Variants in RUBCN observed in about 807,000 individuals in gnomAD.
RUBCN encodes run domain Beclin-1-interacting and cysteine-rich domain-containing protein.
RUBCN carries 74 observed loss-of-function variants against 113.2 expected under a neutral mutation model. The observed-to-expected ratio is 0.65, with a 90% CI of 0.54 to 0.79. The LOEUF is 0.79. Among genes scored for constraint, RUBCN ranks in the 30% least tolerant of loss-of-function variants. The pLI, the probability that RUBCN is intolerant of heterozygous loss-of-function variation, is 0.00. For missense variants in RUBCN, 1,109 were observed against 1,251.7 expected (o/e 0.89, Z 1.72); for synonymous variants, 480 against 490.0 (o/e 0.98, Z 0.27).
In RUBCN at chr3:197,674,908, TAAAAAAA is replaced by T; in HGVS notation, c.*103_*109del. 1.6e-6 allele frequency: 1 copy of T among 625,650 alleles called. No individual in the cohort carries two copies. The highest frequency in any genetic ancestry group is 2.5e-6 in the Non-Finnish European group (1 of 406,768). The allele number at this position is 625,650 out of a possible 1,614,324, so 38.8% of individuals were successfully genotyped here. A position where few individuals can be genotyped will look rare whatever the true frequency, so the allele number is the denominator to read the frequency against. On this transcript the variant is annotated 3_prime_UTR_variant, in exon 20 of 20. Transcript: ENST00000296343. ...AAAAAAAAAAAAAGATGATGATAAT[TAAAAAAA>T]AAAAAAAAAAAAGAAGCCCCAGGTG...
chr3:197,749,342 A>G, exon 1 of RUBCN: 1 of 1,156,420 alleles, frequency 8.6e-7, no homozygotes, highest in Non-Finnish European at 1.1e-6. Flanking sequence ...GCCGATTGAG[A>G]GAAGGTACAG....
intron 7 of RUBCN, among the ~76,000 whole-genome samples, chr3:197,698,175 C>T (rs930935914): frequency 6.6e-6 from 1 of 152,190 alleles, no homozygotes; most frequent in South Asian, 2.1e-4. Flanking sequence ...TTAACTAATT[C>T]TTAGAATTCC....
At chr3:197,691,915 A>T (rs1440984764) in intron 11 of RUBCN, among the ~76,000 whole-genome samples, 1 of 152,046 alleles carries the variant, frequency 6.6e-6, no homozygotes, top group Non-Finnish European at 1.5e-5. Context: ...GTTCCTGGTG[A>T]GAATTCCTAA....
In RUBCN at chr3:197,701,769, A is replaced by G. The variant is rs1204754509; in HGVS notation, c.666T>C (p.Ala222=). The G allele has an allele frequency of 6.2e-7, 1 of 1,614,082 alleles. No homozygotes were observed. Among genetic ancestry groups the G allele is most frequent in the Admixed American group, 1.7e-5 (1 of 60,018 alleles). The change falls in exon 6 of 20, where the codon GCT becomes GCC. Residue 222 remains alanine, a synonymous_variant. Transcript: ENST00000296343. ...AGAAGGACCCAAAGTAGGAATGCTGAGCATAGCTGTTTGGAGGGGTGTATG... is the reference window on the plus strand; with the variant it reads ...AGAAGGACCCAAAGTAGGAATGCTGGGCATAGCTGTTTGGAGGGGTGTATG... ...SSTYTPPNSY[A]QHSYFGSFSS...
intron 11 of RUBCN, among the ~76,000 whole-genome samples, chr3:197,692,229 G>C (rs1020346002): frequency 1.2e-4 from 19 of 152,010 alleles, no homozygotes; most frequent in African/African-American, 4.4e-4. Context: ...ATGATGTCCA[G>C]GCTTCCTGGT....
At chr3:197,678,736 A>G (rs1490367623) in intron 16 of RUBCN, among the ~76,000 whole-genome samples, 4 of 145,576 alleles carry the variant, frequency 2.7e-5, no homozygotes, top group Non-Finnish European at 4.5e-5. Flanking sequence ...AGACTGTCCT[A>G]CGCTCTAACT....
At chr3:197,696,033 A>AAGCTTTTGT in intron 8 of RUBCN, 52 bp from the exon 9 acceptor site, 1 of 1,562,396 alleles carries the variant, frequency 6.4e-7, no homozygotes, top group Non-Finnish European at 8.8e-7. Context: ...AGGAAGTCTT[A>AAGCTTTTGT]AGCTTTTGTC....
Position 197,700,554 on chromosome 3 carries a change from C to T in RUBCN, c.1261+59G>A, listed in dbSNP as rs576314011. The T allele has an allele frequency of 3.8e-6, 6 of 1,560,358 alleles. No homozygotes were observed. The South Asian group carries it at 6.7e-5, about 17-fold the overall frequency. On this transcript the variant is annotated intron_variant, in intron 7 of 19. Coordinates refer to ENST00000296343, the MANE Select transcript of RUBCN (RefSeq NM_014687.4). Reference sequence around the variant, plus strand: ...CACCTGAAAAGTCCCCATAACAAGCCCTCTCTTACTCTCAATTCAGGGTCA... The same window carrying T: ...CACCTGAAAAGTCCCCATAACAAGCTCTCTCTTACTCTCAATTCAGGGTCA...
intron 2 of RUBCN, 104 bp from the exon 3 acceptor site, chr3:197,705,279 G>T (rs1354081167): frequency 2.0e-6 from 2 of 1,009,164 alleles, no homozygotes; most frequent in South Asian, 2.7e-5. Flanking sequence ...ACCTTCCCTT[G>T]CCTCATCAAA....
At chr3:197,749,462 A>G (rs1329179066) in exon 1 of RUBCN, 8 of 1,269,338 alleles carry the variant, frequency 6.3e-6, no homozygotes, top group African/African-American at 1.5e-5. Flanking sequence ...TAGGTGGAGG[A>G]GCGTGCCAGG....
In RUBCN at chr3:197,708,139, A is replaced by AT. The variant is rs781181012; in HGVS notation, c.220-2965dup. ...GCAAATAAAGAAAAATATGTAAACA[A>AT]TTTTTTTTTTTTCCAAGACGGAGTC... On this transcript the variant is annotated intron_variant, in intron 2 of 19. Coordinates refer to ENST00000296343, the MANE Select transcript of RUBCN (RefSeq NM_014687.4). Among the ~76,000 whole-genome samples, 1,119 of 147,824 alleles carry AT rather than the reference A, an allele frequency of 7.6e-3. 8 individuals carry two copies. Among genetic ancestry groups the AT allele is most frequent in the African/African-American group, 0.01 (417 of 40,552 alleles).
chr3:197,740,846 T>C (rs1560483262), upstream of RUBCN, among the ~76,000 whole-genome samples: 1 of 152,022 alleles, frequency 6.6e-6, no homozygotes, highest in African/African-American at 2.4e-5. Flanking sequence ...GTCTCGAACT[T>C]CTGACCTCAA....
In RUBCN at chr3:197,695,875, G is replaced by T. The variant is rs758537470; in HGVS notation, c.1464C>A (p.Asp488Glu). 1.6e-5 allele frequency: 26 copies of T among 1,613,822 alleles called. No homozygotes were observed. The highest frequency in any genetic ancestry group is 6.7e-5 in the African/African-American group (5 of 74,892). Residue 488 changes from aspartate to glutamate, a missense_variant, in exon 9 of 20, where the codon GAC becomes GAA. Coordinates refer to ENST00000296343, the MANE Select transcript of RUBCN (RefSeq NM_014687.4). ...LSEQDFGSCA[D>E]LEKENAHFSI... The stretch of plus-strand genomic sequence containing the variant: ...GCCCTCGATTTCCCACCTTTTCCAG[G>T]TCGGCACAGCTGCCGAAGTCTTGCT...
chr3:197,730,034 G>A (rs979789304), intron 1 of RUBCN, among the ~76,000 whole-genome samples: 27 of 152,222 alleles, frequency 1.8e-4, no homozygotes, highest in African/African-American at 6.3e-4. Context: ...TAGTAGCAGG[G>A]TGAGGCTATC....
intron 2 of RUBCN, among the ~76,000 whole-genome samples, chr3:197,709,662 G>A (rs1378365944): frequency 6.6e-6 from 1 of 152,094 alleles, no homozygotes; most frequent in Non-Finnish European, 1.5e-5. Flanking sequence ...TTACAGGGGT[G>A]AGCCACCGCG....
intron 2 of RUBCN, among the ~76,000 whole-genome samples, chr3:197,713,612 A>G (rs1322461142): frequency 6.6e-6 from 1 of 152,196 alleles, no homozygotes; most frequent in Non-Finnish European, 1.5e-5. Flanking sequence ...AGTAAGGTAC[A>G]GGAGACAGCT....
chr3:197,720,661 C>T (rs978344629), intron 1 of RUBCN, among the ~76,000 whole-genome samples: 3 of 152,264 alleles, frequency 2.0e-5, no homozygotes, highest in East Asian at 3.9e-4. Flanking sequence ...TGCACCTCGG[C>T]CTCCCAAAGT....
intron 2 of RUBCN, among the ~76,000 whole-genome samples, chr3:197,717,065 G>A (rs904750784): frequency 7.2e-5 from 11 of 152,092 alleles, no homozygotes; most frequent in South Asian, 4.1e-4. Flanking sequence ...AGGCTGCAGC[G>A]AGCCATGATT....
At chr3:197,736,970 G>T, upstream of RUBCN, 8 of 1,274,344 alleles carry the variant, frequency 6.3e-6, no homozygotes, top group Non-Finnish European at 7.9e-6. Context: ...GCTCCCGCAG[G>T]ACGCGTCCTC....
Sources: gnomAD v4.1 joint callset for allele counts (sites outside exome capture counted in the v4.1 genomes callset) on GRCh38, gnomAD v4.1.1 for gene constraint, MANE v1.5 for transcripts, NCBI Gene and HGNC (gene_info 2026-07-23, HGNC 2026-07-21) for gene names.